The following RPAP1 variants were observed in gnomAD, a reference collection of about 807,000 sequenced individuals.
RPAP1 encodes RNA polymerase II associated protein 1.
RPAP1 carries 109 observed loss-of-function variants against 142.4 expected under a neutral mutation model. That is an observed-to-expected ratio of 0.77 (90% CI 0.66 to 0.90). The LOEUF is 0.90. RPAP1 is among the 40% of genes least tolerant of loss of function. RPAP1 has a pLI of 0.00. For missense variants in RPAP1, 1,546 were observed against 1,751.7 expected, an observed-to-expected ratio of 0.88 and a Z score of 2.10; for synonymous variants, 704 against 738.9, an observed-to-expected ratio of 0.95 and a Z score of 0.77.
rs778703644 is a variant in RPAP1 at position 41,522,256 on chromosome 15, G to A, written c.2743-6C>T. 3 of 1,613,216 alleles carry A rather than the reference G, an allele frequency of 1.9e-6. No individual in the cohort carries two copies. The highest frequency in any genetic ancestry group is 2.5e-6 in the Non-Finnish European group (3 of 1,179,766). On this transcript the variant is annotated splice_region_variant and splice_polypyrimidine_tract_variant and intron_variant, in intron 19 of 24. Transcript: ENST00000304330. ...GCAGCCAATATGGCAGCCAGCTGAG[G>A]AAAAGCAATTTTGTTCAGATCTAGA...
Position 41,522,902 on chromosome 15 carries a change from TG to T in RPAP1, c.2604del (p.Ser869AlafsTer119), listed in dbSNP as rs778992044. On this transcript the variant is annotated frameshift_variant, in exon 19 of 25. Transcript: ENST00000304330. LOFTEE classifies it high-confidence loss of function. ...CCCGAGCAGCCCAGTGACACGAGGC[TG>T]GGGGGAGCTTCAAGGGCTGGCACAC... ...LSCVPALEAP[P>X]SLVSLGCSGG... is the part of the protein sequence containing the mutation. 8.9e-6 allele frequency: 14 copies of T among 1,568,872 alleles called. No individual in the cohort carries two copies. Among genetic ancestry groups the T allele is most frequent in the South Asian group, 8.4e-5 (7 of 83,442 alleles).
At chr15:41,518,372 G>A (rs1010106376) in intron 22 of RPAP1, 190 bp from the exon 23 acceptor site, 2 of 503,190 alleles carry the variant, frequency 4.0e-6, no homozygotes, top group African/African-American at 3.9e-5. Context: ...ACTGGGAACT[G>A]AGAAGCAGCC....
intron 14 of RPAP1, among the ~76,000 whole-genome samples, chr15:41,525,654 TTTATTA>T (rs990833768): frequency 6.8e-6 from 1 of 147,712 alleles, no homozygotes; most frequent in Non-Finnish European, 1.5e-5. Flanking sequence ...TTTTTTTATT[TTTATTA>T]TTATTATTTT....
chr15:41,536,248 C>G, intron 3 of RPAP1, 30 bp from the exon 4 acceptor site: 4 of 1,600,156 alleles, frequency 2.5e-6, no homozygotes, highest in Non-Finnish European at 3.4e-6. Context: ...AGTTGTGAAG[C>G]ACAATGGAGA....
At chr15:41,535,460 T>C in intron 5 of RPAP1, 52 bp downstream of exon 5, 2 of 1,548,786 alleles carry the variant, frequency 1.3e-6, no homozygotes, top group Non-Finnish European at 1.7e-6. Flanking sequence ...AATGACCCTA[T>C]GATTGTGTCT....
At chr15:41,530,351 G>A (rs558035072) in intron 7 of RPAP1, among the ~76,000 whole-genome samples, 1 of 152,262 alleles carries the variant, frequency 6.6e-6, no homozygotes, top group South Asian at 2.1e-4. Context: ...AAAGGAGTAG[G>A]AGAGTGGGGA....
chr15:41,520,653 A>G lies in RPAP1; in HGVS notation c.3533T>C (p.Leu1178Pro), dbSNP rs948841775. ...ELFRESPVQH[L>P]VAALLAQLCQ... ...GAGCTGGGCGAGGAGGGCTGCCACC[A>G]GATGCTGTACTGGGGACTCCCGGAA... is the stretch of plus-strand genomic sequence containing the variant. Residue 1178 changes from leucine to proline, a missense_variant, in exon 22 of 25, where the codon CTG becomes CCG. By Grantham distance (98) the Leu-to-Pro change is moderately conservative. Around this residue, in one of 3 missense-constraint regions of RPAP1, gnomAD observed 1,333 missense variants for 1,486.6 expected, o/e 0.90. Coordinates refer to ENST00000304330, the MANE Select transcript of RPAP1 (RefSeq NM_015540.4). 2 of 1,614,200 alleles carry G rather than the reference A, an allele frequency of 1.2e-6. No individual in the cohort carries two copies. The highest frequency in any genetic ancestry group is 1.7e-6 in the Non-Finnish European group (2 of 1,180,028).
At chr15:41,518,596 C>T (rs530384108) in intron 22 of RPAP1, 12 of 155,180 alleles carry the variant, frequency 7.7e-5, no homozygotes, top group African/African-American at 2.2e-4. Flanking sequence ...GCAGGGGAGT[C>T]GCTTGAACCC....
chr15:41,536,342 C>A, intron 3 of RPAP1, 124 bp from the exon 4 acceptor site: 1 of 1,309,846 alleles, frequency 7.6e-7, no homozygotes, highest in East Asian at 2.3e-5. Flanking sequence ...ACCCTCCTCC[C>A]TTCAGGGCAG....
rs182734566 is a variant in RPAP1, at chr15:41,524,125, T to C, written c.2205A>G (p.Ala735=). The C allele has an allele frequency of 7.5e-6, 12 of 1,592,596 alleles. No homozygotes were observed. In the African/African-American group the frequency reaches 1.5e-4, roughly 20 times the overall value. The change falls in exon 16 of 25, where the codon GCA becomes GCG. Residue 735 remains alanine, a synonymous_variant. Coordinates refer to ENST00000304330, the MANE Select transcript of RPAP1 (RefSeq NM_015540.4). ...LLTLLTQLTL[A]AGSTPAETIS... Reference sequence around the variant, plus strand: ...TGGTTTCAGCAGGGGTACTGCCGGCTGCCAGGGTTAGCTGGGTGAGGAGAG... The same window carrying C: ...TGGTTTCAGCAGGGGTACTGCCGGCCGCCAGGGTTAGCTGGGTGAGGAGAG...
rs575486484 is a variant in RPAP1 at position 41,533,774 on chromosome 15, G to T, written c.763+940C>A. ...AATTGCTTGAACCTGGGAGGCAGAG[G>T]TTGCAGTGAGCAGAGATTGCGCCAT... On this transcript the variant is annotated intron_variant, in intron 6 of 24. Transcript: ENST00000304330. Among the ~76,000 whole-genome samples, 79 of 151,634 alleles carry T rather than the reference G, an allele frequency of 5.2e-4. No homozygotes were observed. In the South Asian group the frequency reaches 0.016, roughly 30 times the overall value.
intron 6 of RPAP1, among the ~76,000 whole-genome samples, chr15:41,534,244 C>G (rs2051885052): frequency 6.6e-6 from 1 of 151,678 alleles, no homozygotes; most frequent in Non-Finnish European, 1.5e-5. Context: ...ATGGAGAAAC[C>G]CTACCTCTAC....
At chr15:41,521,909 A>G in intron 20 of RPAP1, 29 bp from the exon 21 acceptor site, 1 of 1,607,856 alleles carries the variant, frequency 6.2e-7, no homozygotes, top group East Asian at 2.2e-5. Flanking sequence ...GGAACTACCT[A>G]GTACAGGAGA....
chr15:41,530,929 G>GT, intron 7 of RPAP1, 94 bp downstream of exon 7: 1 of 1,261,304 alleles, frequency 7.9e-7, no homozygotes, highest in South Asian at 1.5e-5. Context: ...CAAAAGCACA[G>GT]AAGCTTCTCT....
chr15:41,528,315 C>T lies in RPAP1; in HGVS notation c.1180G>A (p.Glu394Lys), dbSNP rs747199591. 1.9e-6 allele frequency: 3 copies of T among 1,598,982 alleles called. No homozygotes were observed. In the African/African-American group the frequency reaches 4.0e-5, roughly 21 times the overall value. The change falls in exon 10 of 25, where the codon GAG (glutamate) becomes AAG (lysine). Residue 394 changes from glutamate (E) to lysine (K), a missense_variant. By Grantham distance (56) the Glu-to-Lys change is moderately conservative (BLOSUM62 1). Around this residue, in one of 3 missense-constraint regions of RPAP1, gnomAD observed 1,333 missense variants for 1,486.6 expected, o/e 0.90. Transcript: ENST00000304330. ...TGGCTGCGGGTCAGGTGGAACAGCTCCTGTAGGGAATACCCCGCTCTCTGG... is the reference window on the plus strand; with the variant it reads ...TGGCTGCGGGTCAGGTGGAACAGCTTCTGTAGGGAATACCCCGCTCTCTGG... ...EAERAGYSLQELFHLTRSQVS... is the reference protein window; with the variant it reads ...EAERAGYSLQKLFHLTRSQVS...
intron 22 of RPAP1, 128 bp downstream of exon 22, chr15:41,520,263 A>T (rs932216419): frequency 9.9e-7 from 1 of 1,013,914 alleles, no homozygotes; most frequent in Non-Finnish European, 1.5e-6. Flanking sequence ...TGATTCTCTT[A>T]ATCCCCTCAA....
chr15:41,521,671 G>C (rs2051727259), intron 21 of RPAP1, 67 bp downstream of exon 21: 11 of 1,563,384 alleles, frequency 7.0e-6, no homozygotes, highest in Non-Finnish European at 8.7e-6. Context: ...CAAATTCAGG[G>C]CTGCTCTGTT....
chr15:41,529,791 C>G (rs973561033), intron 8 of RPAP1, 73 bp downstream of exon 8: 16 of 1,142,258 alleles, frequency 1.4e-5, no homozygotes, highest in Non-Finnish European at 2.0e-5. Flanking sequence ...GGCCTGAGTT[C>G]TGAGGGCAAG....
intron 6 of RPAP1, among the ~76,000 whole-genome samples, chr15:41,533,710 C>T (rs777082782): frequency 1.3e-5 from 2 of 151,044 alleles, no homozygotes; most frequent in Non-Finnish European, 2.9e-5. Flanking sequence ...TGGTGGCAGG[C>T]GCCTGTAATC....
Sources: allele counts gnomAD v4.1 joint callset (sites outside exome capture counted in the v4.1 genomes callset), GRCh38; gene constraint gnomAD v4.1.1; regional missense constraint gnomAD v4.1.1; transcripts MANE v1.5; gene names NCBI Gene and HGNC (gene_info 2026-07-23, HGNC 2026-07-21).